The following SNAPC3 variants were observed in gnomAD, a reference collection of about 807,000 sequenced individuals.
SNAPC3 encodes the protein small nuclear RNA activating complex polypeptide 3, also known as snRNA-activating protein complex subunit 3.
In SNAPC3, 56 loss-of-function variants were observed where a neutral mutation model predicts 47.7. That is an observed-to-expected ratio of 1.18 (90% confidence interval 0.95 to 1.47). SNAPC3 has a LOEUF of 1.47. Among genes scored for constraint, SNAPC3 ranks in the 40% most tolerant of loss-of-function variants. The pLI is 0.00. For synonymous variants in SNAPC3, 235 were observed against 189.9 expected (o/e 1.24, Z -1.95); for missense variants, 665 against 511.3 (o/e 1.30, Z -2.90).
rs901490367 is a variant in SNAPC3 at position 15,460,710 on chromosome 9, T to C, written c.*844T>C. On this transcript the variant is annotated 3_prime_UTR_variant, in exon 9 of 9. Transcript: ENST00000380821. ...CCGGCTGCTTTGGGGGAATTTAATC[T>C]TAGTGTGCTGTTTAGTAATGTTAGG... 6.6e-6 allele frequency: 1 copy of C among 152,242 alleles called. No homozygotes were observed. The highest frequency in any genetic ancestry group is 2.4e-5 in the African/African-American group (1 of 41,444). 9.4% of individuals were successfully genotyped at this position (152,242 alleles called of 1,614,324 possible). A position where few individuals can be genotyped will look rare whatever the true frequency, so the allele number is the denominator to read the frequency against.
At chr9:15,451,065 C>T (rs2034347888) in intron 5 of SNAPC3, among the ~76,000 whole-genome samples, 1 of 152,192 alleles carries the variant, frequency 6.6e-6, no homozygotes, top group Admixed American at 6.5e-5. Context: ...ACACTACTTA[C>T]TGCTCTGTAA....
At chr9:15,456,448 T>C (rs1445792499) in intron 7 of SNAPC3, among the ~76,000 whole-genome samples, 1 of 152,166 alleles carries the variant, frequency 6.6e-6, no homozygotes, top group African/African-American at 2.4e-5. Flanking sequence ...TTTGTTTGAG[T>C]GTCAAAGACA....
intron 2 of SNAPC3, among the ~76,000 whole-genome samples, chr9:15,428,251 A>C (rs772380347): frequency 1.3e-5 from 2 of 152,202 alleles, no homozygotes; most frequent in Non-Finnish European, 2.9e-5. Flanking sequence ...GAGCAAGAGG[A>C]AATAAAATCT....
intron 3 of SNAPC3, among the ~76,000 whole-genome samples, chr9:15,438,456 C>G (rs188915079): frequency 6.6e-6 from 1 of 151,910 alleles, no homozygotes; most frequent in Non-Finnish European, 1.5e-5. Flanking sequence ...ATTTTCTATT[C>G]TTTTTCACTT....
At chr9:15,426,731 C>G (rs2031451224) in intron 2 of SNAPC3, among the ~76,000 whole-genome samples, 1 of 152,076 alleles carries the variant, frequency 6.6e-6, no homozygotes. Flanking sequence ...CATTATTTCC[C>G]TTGACTACTT....
At chr9:15,442,521 A>T (rs951046293) in intron 3 of SNAPC3, among the ~76,000 whole-genome samples, 5 of 146,500 alleles carry the variant, frequency 3.4e-5, no homozygotes, top group Non-Finnish European at 1.5e-5. Flanking sequence ...GACGCTCCTC[A>T]CCTCCCAGAT....
chr9:15,459,786 A>G lies in SNAPC3; in HGVS notation c.1156A>G (p.Met386Val). 1 of 1,613,660 alleles carries G rather than the reference A, an allele frequency of 6.2e-7. No individual in the cohort carries two copies. The highest frequency in any genetic ancestry group is 8.5e-7 in the Non-Finnish European group (1 of 1,179,764). Residue 386 changes from methionine to valine, a missense_variant, in exon 9 of 9, where the codon ATG (methionine) becomes GTG (valine). Transcript: ENST00000380821. ...CTTCTTTTGTGATGTTTGCTTCCGA[A>G]TGCTGCACTATGATTCAGAAGGCAA... ...PCFFCDVCFR[M>V]LHYDSEGNKL... is the part of the protein sequence containing the mutation.
intron 2 of SNAPC3, among the ~76,000 whole-genome samples, chr9:15,424,750 T>C (rs1375461537): frequency 6.6e-6 from 1 of 152,224 alleles, no homozygotes; most frequent in Non-Finnish European, 1.5e-5. Context: ...AATTTATAAT[T>C]TCCAATTTAT....
At chr9:15,424,986 C>G (rs2031165092) in intron 2 of SNAPC3, among the ~76,000 whole-genome samples, 1 of 152,194 alleles carries the variant, frequency 6.6e-6, no homozygotes, top group Non-Finnish European at 1.5e-5. Flanking sequence ...ATTTCTCCCA[C>G]TGATTTATCC....
chr9:15,466,529 T>G (rs911814090), downstream of SNAPC3, among the ~76,000 whole-genome samples: 1 of 152,250 alleles, frequency 6.6e-6, no homozygotes, highest in African/African-American at 2.4e-5. Context: ...TTAACTGGGT[T>G]CCCAGCTAGT....
At chr9:15,426,721 C>G (rs2031449815) in intron 2 of SNAPC3, among the ~76,000 whole-genome samples, 1 of 152,162 alleles carries the variant, frequency 6.6e-6, no homozygotes, top group Admixed American at 6.5e-5. Flanking sequence ...ACTGCTTAAA[C>G]ATTATTTCCC....
downstream of SNAPC3, among the ~76,000 whole-genome samples, chr9:15,466,164 G>A (rs1216259334): frequency 6.6e-6 from 1 of 152,210 alleles, no homozygotes; most frequent in Non-Finnish European, 1.5e-5. Context: ...GATCACCTGA[G>A]GTCAGGAGTT....
In SNAPC3 at chr9:15,447,241, C is replaced by G. The variant is rs61737935; in HGVS notation, c.729C>G (p.Ser243Arg). Residue 243 changes from serine to arginine, a missense_variant, in exon 5 of 9, where the codon AGC (serine) becomes AGG (arginine). Ser to Arg is a moderately radical substitution (Grantham distance 110). Transcript: ENST00000380821. ...NTPDQAPEHISKDLYKSAFFY... is the reference protein window; with the variant it reads ...NTPDQAPEHIRKDLYKSAFFY... ...CTGACCAAGCCCCTGAGCACATCAG[C>G]AAAGTAAGGTGATTTCCTCCCATAA... is the stretch of plus-strand genomic sequence containing the variant. 6.2e-7 allele frequency: 1 copy of G among 1,613,844 alleles called. No individual in the cohort carries two copies. Among genetic ancestry groups the G allele is most frequent in the Non-Finnish European group, 8.5e-7 (1 of 1,179,796 alleles).
chr9:15,423,381 T>C (rs1452305905), intron 1 of SNAPC3, among the ~76,000 whole-genome samples, 188 bp downstream of exon 1: 1 of 152,224 alleles, frequency 6.6e-6, no homozygotes, highest in East Asian at 1.9e-4. Context: ...GGGACCCGAA[T>C]GCACAGTTTC....
chr9:15,427,139 A>C (rs1260850558), intron 2 of SNAPC3, among the ~76,000 whole-genome samples: 1 of 152,228 alleles, frequency 6.6e-6, no homozygotes. Flanking sequence ...TAAGGGACCA[A>C]AGGTAGTTGG....
chr9:15,447,230 G>C lies in SNAPC3; in HGVS notation c.718G>C (p.Glu240Gln). 1 of 1,614,066 alleles carries C rather than the reference G, an allele frequency of 6.2e-7. No individual in the cohort carries two copies. Among genetic ancestry groups the C allele is most frequent in the South Asian group, 1.1e-5 (1 of 91,072 alleles). ...EFSNTPDQAP[E>Q]HISKDLYKSA... ...CAGCAACACTCCTGACCAAGCCCCT[G>C]AGCACATCAGCAAAGTAAGGTGATT... is the stretch of plus-strand genomic sequence containing the variant. The change falls in exon 5 of 9, where the codon GAG (glutamate) becomes CAG (glutamine). Residue 240 changes from glutamate (E) to glutamine (Q), a missense_variant. By Grantham distance (29) the Glu-to-Gln change is conservative. Transcript: ENST00000380821.
intron 2 of SNAPC3, among the ~76,000 whole-genome samples, chr9:15,429,040 G>C (rs2031812609): frequency 6.6e-6 from 1 of 152,064 alleles, no homozygotes. Flanking sequence ...ATTGACTTTT[G>C]GGATATATTT....
At chr9:15,435,433 C>T (rs1233114279) in intron 3 of SNAPC3, among the ~76,000 whole-genome samples, 1 of 152,022 alleles carries the variant, frequency 6.6e-6, no homozygotes, top group African/African-American at 2.4e-5. Context: ...ATTAGCCGGG[C>T]GTGGTGGCAT....
At chr9:15,448,790 G>A (rs1035491776) in intron 5 of SNAPC3, among the ~76,000 whole-genome samples, 6 of 152,096 alleles carry the variant, frequency 3.9e-5, no homozygotes, top group African/African-American at 7.2e-5. Context: ...AATTTTACGC[G>A]GAGCAGGAAA....
Sources: allele counts gnomAD v4.1 joint callset (sites outside exome capture counted in the v4.1 genomes callset), GRCh38; gene constraint gnomAD v4.1.1; transcripts MANE v1.5; gene names NCBI Gene and HGNC (gene_info 2026-07-23, HGNC 2026-07-21).